The following SLC47A1 variants were observed in gnomAD, a reference collection of about 807,000 sequenced individuals.
SLC47A1 encodes the protein multidrug and toxin extrusion protein 1.
A neutral mutation model predicts 65.8 loss-of-function variants in SLC47A1; 58 were observed. That is an observed-to-expected ratio of 0.88 (90% CI 0.71 to 1.10). The LOEUF (loss-of-function observed/expected upper bound fraction) is 1.10. Ranked by LOEUF, SLC47A1 falls within the 50% of genes least tolerant of loss-of-function variation. SLC47A1 has a pLI of 0.00. For missense variants in SLC47A1, 706 were observed against 719.2 expected, an observed-to-expected ratio of 0.98 and a Z score of 0.21; for synonymous variants, 285 against 295.0, an observed-to-expected ratio of 0.97 and a Z score of 0.35.
chr17:19,560,042 A>G (rs1394739016), intron 10 of SLC47A1, 146 bp from the exon 11 acceptor site: 3 of 614,122 alleles, frequency 4.9e-6, no homozygotes, highest in Non-Finnish European at 8.7e-6. Flanking sequence ...GTTCCCGGCT[A>G]GACAAAGGGG....
Position 19,555,790 on chromosome 17 carries a change from C to A in SLC47A1, c.740-6C>A, listed in dbSNP as rs749185169. The A allele has an allele frequency of 5.0e-6, 8 of 1,613,372 alleles. No homozygotes were observed. The African/African-American group carries it at 6.7e-5, about 13-fold the overall frequency. ...TCTCCTGGAAATGTGTGTGTCCCCC[C>A]CACAGGCTGGTCCCTCGAGTGCCTG... On this transcript the variant is annotated splice_polypyrimidine_tract_variant and splice_region_variant and intron_variant, in intron 8 of 16. Transcript: ENST00000270570.
chr17:19,564,819 C>G (rs930519217), intron 12 of SLC47A1, among the ~76,000 whole-genome samples: 1 of 152,126 alleles, frequency 6.6e-6, no homozygotes, highest in African/African-American at 2.4e-5. Context: ...CTCCTGGTTT[C>G]AAGTGATTCT....
intron 4 of SLC47A1, among the ~76,000 whole-genome samples, chr17:19,549,425 C>T (rs907379200): frequency 6.6e-6 from 1 of 152,092 alleles, no homozygotes; most frequent in African/African-American, 2.4e-5. Context: ...TCTCGAACTC[C>T]TCAGCTCATG....
chr17:19,560,692 A>G (rs1032861471), intron 12 of SLC47A1, among the ~76,000 whole-genome samples, 199 bp downstream of exon 12: 1 of 152,104 alleles, frequency 6.6e-6, no homozygotes, highest in African/African-American at 2.4e-5. Context: ...CAGCCTGACC[A>G]ACATGGTGAA....
chr17:19,566,515 T>G (rs1423004558), intron 12 of SLC47A1, among the ~76,000 whole-genome samples: 1 of 152,016 alleles, frequency 6.6e-6, no homozygotes, highest in Non-Finnish European at 1.5e-5. Context: ...AACCTCTGCC[T>G]CCCGGGTTCA....
At chr17:19,556,411 C>A (rs1379502521) in intron 10 of SLC47A1, among the ~76,000 whole-genome samples, 1 of 152,156 alleles carries the variant, frequency 6.6e-6, no homozygotes, top group Non-Finnish European at 1.5e-5. Flanking sequence ...GGTGGCATAG[C>A]AGAGGGATGA....
intron 12 of SLC47A1, among the ~76,000 whole-genome samples, chr17:19,565,729 C>T (rs1018039681): frequency 1.3e-4 from 20 of 151,926 alleles, no homozygotes; most frequent in South Asian, 4.2e-4. Context: ...TACAGGCGCC[C>T]GCCACCACGC....
At chr17:19,534,181 C>T (rs1915926261) in intron 1 of SLC47A1, 107 bp downstream of exon 1, 1 of 1,340,668 alleles carries the variant, frequency 7.5e-7, no homozygotes, top group Non-Finnish European at 9.7e-7. Context: ...AGCGAGCTGT[C>T]CGCCGGCGGG....
intron 14 of SLC47A1, among the ~76,000 whole-genome samples, chr17:19,570,354 A>G (rs994151389): frequency 6.6e-6 from 1 of 152,178 alleles, no homozygotes; most frequent in Non-Finnish European, 1.5e-5. Flanking sequence ...TTGGGCAGAA[A>G]CTCAAAGGCA....
chr17:19,548,722 A>C (rs1258376830), intron 4 of SLC47A1, among the ~76,000 whole-genome samples: 1 of 152,140 alleles, frequency 6.6e-6, no homozygotes. Context: ...GCTGGCCTCA[A>C]ACTCCTGACC....
At chr17:19,534,588 T>C (rs1915939641) in intron 1 of SLC47A1, 1 of 152,238 alleles carries the variant, frequency 6.6e-6, no homozygotes, top group East Asian at 1.9e-4. Context: ...GAGGAGGGGG[T>C]GCGTGGTCTG....
chr17:19,556,912 T>C (rs974622427), intron 10 of SLC47A1, among the ~76,000 whole-genome samples: 2 of 152,196 alleles, frequency 1.3e-5, no homozygotes, highest in Non-Finnish European at 2.9e-5. Flanking sequence ...GGAAGCAACC[T>C]ATGTGTCTGC....
chr17:19,562,880 G>A (rs1013140550), intron 12 of SLC47A1, among the ~76,000 whole-genome samples: 1 of 152,090 alleles, frequency 6.6e-6, no homozygotes, highest in Non-Finnish European at 1.5e-5. Flanking sequence ...ATCGGTGAAA[G>A]AGATGAACCT....
Position 19,535,115 on chromosome 17 carries a change from C to G in SLC47A1, c.135+1041C>G, listed in dbSNP as rs148150674. On this transcript the variant is annotated intron_variant, in intron 1 of 16. Transcript: ENST00000270570. ...AAGCCATGGAATAAGATCCATCAGC[C>G]ATGCTTTCTCACAGACCAGAAAGAA... 11 of 152,436 alleles carry G rather than the reference C, an allele frequency of 7.2e-5. No homozygotes were observed. In the East Asian group the frequency reaches 1.9e-3, roughly 27 times the overall value. The allele number at this position is 152,436 out of a possible 1,614,324, so 9.4% of individuals were successfully genotyped here.
At chr17:19,564,460 A>T (rs1330294426) in intron 12 of SLC47A1, 1 of 152,132 alleles carries the variant, frequency 6.6e-6, no homozygotes, top group Non-Finnish European at 1.5e-5. Flanking sequence ...AAGAATATAC[A>T]TTTGTATTTG....
chr17:19,570,384 G>A (rs574830208), intron 14 of SLC47A1, among the ~76,000 whole-genome samples: 14 of 152,322 alleles, frequency 9.2e-5, no homozygotes, highest in East Asian at 3.9e-4. Context: ...GTGGGAAAGC[G>A]TCACAGTGGA....
Position 19,577,743 on chromosome 17 carries a change from C to G in SLC47A1, c.*190C>G. ...TAAGGTTAAAAGCTATATTGTGGCC[C>G]AAGACACTGTCTGAAAGATGACATG... On this transcript the variant is annotated 3_prime_UTR_variant, in exon 17 of 17. Coordinates refer to ENST00000270570, the MANE Select transcript of SLC47A1 (RefSeq NM_018242.3). The G allele has an allele frequency of 2.8e-6, 4 of 1,410,414 alleles. No individual in the cohort carries two copies. The highest frequency in any genetic ancestry group is 3.7e-6 in the Non-Finnish European group (4 of 1,086,988). The allele number at this position is 1,410,414 out of a possible 1,614,324, so 87.4% of individuals were successfully genotyped here.
At chr17:19,561,426 A>C (rs1268410530) in intron 12 of SLC47A1, among the ~76,000 whole-genome samples, 1 of 151,624 alleles carries the variant, frequency 6.6e-6, no homozygotes, top group Non-Finnish European at 1.5e-5. Context: ...GGTGGATCAC[A>C]AGGTCAGGAG....
chr17:19,573,163 C>T (rs1567578963), intron 16 of SLC47A1, among the ~76,000 whole-genome samples: 3 of 152,186 alleles, frequency 2.0e-5, no homozygotes, highest in Admixed American at 6.5e-5. Context: ...TAGAAACTGA[C>T]ATTTGTTTGT....
Sources: gnomAD v4.1 joint callset for allele counts (sites outside exome capture counted in the v4.1 genomes callset) on GRCh38, gnomAD v4.1.1 for gene constraint, MANE v1.5 for transcripts, NCBI Gene and HGNC (gene_info 2026-07-23, HGNC 2026-07-21) for gene names.